ITPK1: variants seen among roughly 807,000 people sequenced by gnomAD.
ITPK1 encodes inositol 1,3,4-trisphosphate 5/6-kinase.
Under a neutral mutation model 45.3 loss-of-function variants are expected in ITPK1, and 21 were observed. The observed-to-expected ratio is 0.46, with a 90% confidence interval of 0.33 to 0.67. The LOEUF is 0.67. Ranked by LOEUF, ITPK1 falls within the 30% of genes least tolerant of loss-of-function variation. The pLI, the probability that ITPK1 is intolerant of heterozygous loss-of-function variation, is 0.02. For synonymous variants in ITPK1, 258 were observed against 253.6 expected, an observed-to-expected ratio of 1.02 and a Z score of -0.16; for missense variants, 474 against 573.5, an observed-to-expected ratio of 0.83 and a Z score of 1.77.
At chr14:92,943,117 G>A (rs879343794) in intron 10 of ITPK1, among the ~76,000 whole-genome samples, 19 of 152,376 alleles carry the variant, frequency 1.2e-4, no homozygotes, top group South Asian at 8.3e-4. Flanking sequence ...TATTCTGGCC[G>A]GCAAGCGGCG....
At chr14:92,996,485 G>T (rs1464209587) in intron 4 of ITPK1, among the ~76,000 whole-genome samples, 1 of 151,738 alleles carries the variant, frequency 6.6e-6, no homozygotes, top group Non-Finnish European at 1.5e-5. Flanking sequence ...TAATGTAAAT[G>T]ACGAGTTAAC....
At chr14:93,049,152 T>C (rs893126208) in intron 3 of ITPK1, among the ~76,000 whole-genome samples, 1 of 152,166 alleles carries the variant, frequency 6.6e-6, no homozygotes, top group African/African-American at 2.4e-5. Context: ...ATATTAATGA[T>C]ACTAAAGAAT....
At chr14:93,022,722 C>A (rs1254490478) in intron 3 of ITPK1, among the ~76,000 whole-genome samples, 1 of 152,032 alleles carries the variant, frequency 6.6e-6, no homozygotes, top group African/African-American at 2.4e-5. Flanking sequence ...CTCATCTCTA[C>A]CAGATGTTGG....
At chr14:92,985,783 C>T (rs1325442779) in intron 5 of ITPK1, among the ~76,000 whole-genome samples, 1 of 152,062 alleles carries the variant, frequency 6.6e-6, no homozygotes, top group Non-Finnish European at 1.5e-5. Context: ...CACAGGGTCA[C>T]AGCACACAGG....
intron 2 of ITPK1, among the ~76,000 whole-genome samples, chr14:93,095,243 G>A (rs1892029077): frequency 6.6e-6 from 1 of 152,200 alleles, no homozygotes; most frequent in Non-Finnish European, 1.5e-5. Context: ...CCTACGATGA[G>A]TTATTTGTAG....
intron 3 of ITPK1, among the ~76,000 whole-genome samples, chr14:93,040,711 G>T (rs1293489644): frequency 3.9e-5 from 6 of 152,054 alleles, no homozygotes. Context: ...AGCACTCCCT[G>T]AGCAGGAAGT....
At chr14:93,092,482 G>C (rs1891902052) in intron 2 of ITPK1, among the ~76,000 whole-genome samples, 1 of 152,216 alleles carries the variant, frequency 6.6e-6, no homozygotes, top group Non-Finnish European at 1.5e-5. Flanking sequence ...AAGCAGGCCT[G>C]ACCCACTGCC....
Position 93,012,749 on chromosome 14 carries a change from G to A in ITPK1, c.246+3927C>T, listed in dbSNP as rs149242607. Among the ~76,000 whole-genome samples, 467 of 152,300 alleles carry A rather than the reference G, an allele frequency of 3.1e-3. 4 individuals carry two copies. The highest frequency in any genetic ancestry group is 1.0e-2 in the African/African-American group (415 of 41,558). On this transcript the variant is annotated intron_variant, in intron 4 of 10. Coordinates refer to ENST00000267615, the MANE Select transcript of ITPK1 (RefSeq NM_014216.6). The surrounding 1 kb of genome is among the most constrained non-coding windows in gnomAD (Gnocchi z 4.9). Reference sequence around the variant, plus strand: ...AGGGGACATCTGAGGGACAATTACCGTCCTTCCAGCTGATAAAGACAGGGC... The same window carrying A: ...AGGGGACATCTGAGGGACAATTACCATCCTTCCAGCTGATAAAGACAGGGC...
At chr14:93,000,703 G>A (rs369202716) in intron 4 of ITPK1, among the ~76,000 whole-genome samples, 14 of 152,240 alleles carry the variant, frequency 9.2e-5, no homozygotes, top group African/African-American at 2.4e-4. Flanking sequence ...ACTGTGGCTC[G>A]CGGTGGCTTG....
chr14:92,975,213 A>G lies in ITPK1; in HGVS notation c.365-12364T>C, dbSNP rs375415235. Among the ~76,000 whole-genome samples the G allele has an allele frequency of 2.2e-4, 34 of 152,292 alleles. 1 individual carries two copies. The highest frequency in any genetic ancestry group is 2.1e-3 in the East Asian group (11 of 5,176). On this transcript the variant is annotated intron_variant, in intron 5 of 10. Coordinates refer to ENST00000267615, the MANE Select transcript of ITPK1 (RefSeq NM_014216.6). ...GTCCTCCATGGCCAAGGGCCTGCCTATGCCTCCCTCCTCCCAAGCTCTGGG... is the reference window on the plus strand; with the variant it reads ...GTCCTCCATGGCCAAGGGCCTGCCTGTGCCTCCCTCCTCCCAAGCTCTGGG...
chr14:92,941,150 T>C lies in ITPK1; in HGVS notation c.*411A>G, dbSNP rs1887365676. 8.3e-7 allele frequency: 1 copy of C among 1,205,938 alleles called. No homozygotes were observed. Among genetic ancestry groups the C allele is most frequent in the Non-Finnish European group, 1.0e-6 (1 of 957,006 alleles). 74.7% of individuals were successfully genotyped at this position (1,205,938 alleles called of 1,614,324 possible). A position where few individuals can be genotyped will look rare whatever the true frequency, so the allele number is the denominator to read the frequency against. On this transcript the variant is annotated 3_prime_UTR_variant, in exon 11 of 11. Coordinates refer to ENST00000267615, the MANE Select transcript of ITPK1 (RefSeq NM_014216.6). ...CCACTCTCACATGCACCGATCAGCCTCCCACAGCCCGACATGGGCAGGCTT... is the reference window on the plus strand; with the variant it reads ...CCACTCTCACATGCACCGATCAGCCCCCCACAGCCCGACATGGGCAGGCTT...
At chr14:92,983,641 C>T (rs1431825020) in intron 5 of ITPK1, among the ~76,000 whole-genome samples, 2 of 152,072 alleles carry the variant, frequency 1.3e-5, no homozygotes, top group Non-Finnish European at 2.9e-5. Flanking sequence ...GAGGTGGGTA[C>T]GGCTTCCCCA....
At chr14:93,027,584 C>T (rs553577390) in intron 3 of ITPK1, among the ~76,000 whole-genome samples, 43 of 152,318 alleles carry the variant, frequency 2.8e-4, no homozygotes, top group African/African-American at 9.1e-4. Flanking sequence ...TGGAGAACCA[C>T]ACTCCAGATG....
intron 2 of ITPK1, among the ~76,000 whole-genome samples, chr14:93,087,835 A>G (rs1051080088): frequency 6.6e-6 from 1 of 152,220 alleles, no homozygotes; most frequent in Non-Finnish European, 1.5e-5. Context: ...CGGTACCCGC[A>G]GATTCCCAAG....
intron 9 of ITPK1, among the ~76,000 whole-genome samples, chr14:92,947,071 G>A (rs866332335): frequency 1.3e-5 from 2 of 152,342 alleles, no homozygotes; most frequent in African/African-American, 4.8e-5. Flanking sequence ...GGGGCGCAGA[G>A]CCGGGCACAA....
chr14:93,091,879 G>A (rs1438981530), intron 2 of ITPK1, among the ~76,000 whole-genome samples: 6 of 152,184 alleles, frequency 3.9e-5, no homozygotes, highest in Non-Finnish European at 7.3e-5. Context: ...GATGACGGGA[G>A]GCGCCACTCC....
chr14:92,984,370 C>T (rs1415986768), intron 5 of ITPK1, among the ~76,000 whole-genome samples: 2 of 152,196 alleles, frequency 1.3e-5, no homozygotes, highest in Non-Finnish European at 2.9e-5. Flanking sequence ...CTATAGTTAA[C>T]TGGATGGAAA....
At chr14:92,957,102 C>G (rs2139729324) in intron 8 of ITPK1, among the ~76,000 whole-genome samples, 1 of 152,364 alleles carries the variant, frequency 6.6e-6, no homozygotes, top group East Asian at 1.9e-4. Flanking sequence ...AGCACTGCAG[C>G]CCCTCCATGC....
At chr14:93,029,317 C>T (rs1394236818) in intron 3 of ITPK1, among the ~76,000 whole-genome samples, 1 of 152,144 alleles carries the variant, frequency 6.6e-6, no homozygotes, top group Non-Finnish European at 1.5e-5. Flanking sequence ...GGTCTGGACC[C>T]TTGGGGACCC....
Sources: allele counts gnomAD v4.1 joint callset (sites outside exome capture counted in the v4.1 genomes callset), GRCh38; gene constraint gnomAD v4.1.1; non-coding constraint Gnocchi (gnomAD v3.1); transcripts MANE v1.5; gene names NCBI Gene and HGNC (gene_info 2026-07-23, HGNC 2026-07-21).